The following WAC variants were observed in gnomAD, a reference collection of about 807,000 sequenced individuals.
WAC encodes the protein WW domain-containing adapter protein with coiled-coil.
In WAC, 11 loss-of-function variants were observed where a neutral mutation model predicts 79.6. That is an observed-to-expected ratio of 0.14 (90% CI 0.09 to 0.23). The LOEUF (loss-of-function observed/expected upper bound fraction) is 0.23. Ranked by LOEUF, WAC falls within the 10% of genes least tolerant of loss-of-function variation. The pLI is 1.00. For synonymous variants in WAC, 304 were observed against 276.9 expected, an observed-to-expected ratio of 1.10 and a Z score of -0.97; for missense variants, 728 against 773.5, an observed-to-expected ratio of 0.94 and a Z score of 0.70.
chr10:28,609,698 C>A (rs1254266768), intron 8 of WAC, among the ~76,000 whole-genome samples: 1 of 151,930 alleles, frequency 6.6e-6, no homozygotes, highest in East Asian at 2.0e-4. Flanking sequence ...ACATGGTGAA[C>A]CCCATCTCTA....
chr10:28,562,463 T>A (rs1469237014), intron 3 of WAC, among the ~76,000 whole-genome samples: 1 of 152,202 alleles, frequency 6.6e-6, no homozygotes, highest in Non-Finnish European at 1.5e-5. Context: ...CAACCATGAT[T>A]TTTTGGTCTG....
chr10:28,613,399 G>A (rs563956290), intron 10 of WAC, among the ~76,000 whole-genome samples: 1 of 152,258 alleles, frequency 6.6e-6, no homozygotes, highest in East Asian at 1.9e-4. Flanking sequence ...CACTACTCAG[G>A]AGGCTGAGGT....
chr10:28,537,163 G>T (rs1441957788), intron 3 of WAC, among the ~76,000 whole-genome samples: 2 of 152,216 alleles, frequency 1.3e-5, no homozygotes, highest in South Asian at 2.1e-4. Context: ...TTATAGCTTA[G>T]TGCTATTTAT....
intron 7 of WAC, among the ~76,000 whole-genome samples, chr10:28,603,949 ATATG>A (rs1174209906): frequency 3.0e-5 from 1 of 33,132 alleles, no homozygotes; most frequent in African/African-American, 1.2e-4. Context: ...AAAAATATAT[ATATG>A]TATGTATGTA....
chr10:28,565,382 T>C (rs896614099), intron 3 of WAC, among the ~76,000 whole-genome samples: 1 of 152,192 alleles, frequency 6.6e-6, no homozygotes, highest in Non-Finnish European at 1.5e-5. Context: ...TTTTTACTTT[T>C]GTTTTAAAGA....
intron 7 of WAC, among the ~76,000 whole-genome samples, chr10:28,605,284 G>C (rs1440319115): frequency 6.6e-6 from 1 of 152,184 alleles, no homozygotes; most frequent in African/African-American, 2.4e-5. Flanking sequence ...TGCATAAACA[G>C]CAAGTAGTGC....
intron 7 of WAC, among the ~76,000 whole-genome samples, chr10:28,607,425 AT>A (rs556308283): frequency 9.9e-4 from 150 of 152,260 alleles, no homozygotes; most frequent in African/African-American, 3.4e-3. Flanking sequence ...TGGGGCTTTG[AT>A]TACAGTTACA....
chr10:28,564,119 G>A (rs1838465688), intron 3 of WAC, among the ~76,000 whole-genome samples: 1 of 151,982 alleles, frequency 6.6e-6, no homozygotes, highest in Non-Finnish European at 1.5e-5. Flanking sequence ...ACAAAAATGA[G>A]CCAGGCATGG....
chr10:28,621,720 C>G lies in WAC; in HGVS notation c.*2114C>G, dbSNP rs568838815. 6.6e-6 allele frequency: 1 copy of G among 152,282 alleles called. No individual in the cohort carries two copies. The highest frequency in any genetic ancestry group is 6.5e-5 in the Admixed American group (1 of 15,294). The allele number at this position is 152,282 out of a possible 1,614,324, so 9.4% of individuals were successfully genotyped here. ...TTGTAATAGGCAAATGTTTCCTGAT[C>G]AGATGGCAATTTGTGATTTAGGTAA... On this transcript the variant is annotated 3_prime_UTR_variant, in exon 14 of 14. Transcript: ENST00000354911.
chr10:28,600,452 A>C (rs542125893), intron 7 of WAC, among the ~76,000 whole-genome samples: 162 of 152,294 alleles, frequency 1.1e-3, no homozygotes, highest in South Asian at 4.6e-3. Context: ...TTCAGCACTC[A>C]GTTGCTTTGC....
Position 28,587,284 on chromosome 10 carries a change from AC to A in WAC, c.382-2451del, listed in dbSNP as rs1349421979. ...ACATTGAACATCTTAGTAATGTTTG[AC>A]TTAATAGAAAAAGACACTTAGAATT... On this transcript the variant is annotated intron_variant, in intron 4 of 13. Transcript: ENST00000354911. Among the ~76,000 whole-genome samples, 3 of 152,344 alleles carry A rather than the reference AC, an allele frequency of 2.0e-5. No homozygotes were observed. In the East Asian group the frequency reaches 5.8e-4, roughly 29 times the overall value.
rs986832459 is a variant in WAC, at chr10:28,621,533, A to G, written c.*1927A>G. ...CCTGTAATTTAAGGATACTTTTTAA[A>G]TGTAAGAAAAGACATGTCATTAATT... On this transcript the variant is annotated 3_prime_UTR_variant, in exon 14 of 14. Coordinates refer to ENST00000354911, the MANE Select transcript of WAC (RefSeq NM_016628.5). The G allele has an allele frequency of 1.3e-5, 2 of 152,198 alleles. No individual in the cohort carries two copies. The highest frequency in any genetic ancestry group is 2.4e-5 in the African/African-American group (1 of 41,432). The allele number at this position is 152,198 out of a possible 1,614,324, so 9.4% of individuals were successfully genotyped here. A position where few individuals can be genotyped will look rare whatever the true frequency, so the allele number is the denominator to read the frequency against.
chr10:28,617,362 C>G (rs765236466), intron 12 of WAC, among the ~76,000 whole-genome samples: 4 of 152,212 alleles, frequency 2.6e-5, no homozygotes, highest in African/African-American at 4.8e-5. Context: ...GCTGACCCAG[C>G]ATCTTTTATT....
chr10:28,596,744 TGTA>T (rs530481658), intron 7 of WAC, among the ~76,000 whole-genome samples: 45 of 152,310 alleles, frequency 3.0e-4, no homozygotes, highest in African/African-American at 1.0e-3. Context: ...GAAATTAAAA[TGTA>T]GTAAATAAAT....
chr10:28,564,830 T>G (rs1190089127), intron 3 of WAC, among the ~76,000 whole-genome samples: 2 of 152,354 alleles, frequency 1.3e-5, no homozygotes, highest in East Asian at 1.9e-4. Context: ...TTGTCTCTAT[T>G]GAGATTTTAC....
At position 28,608,228 on chromosome 10, in the gene WAC, C is replaced by T. The variant is rs1841054532; in HGVS notation, c.962C>T (p.Thr321Ile). ...AAACCCGTATCACATTCTTGCACAA[C>T]TCCTTCCACGTCTTCTGCCTCTGGA... is the stretch of plus-strand genomic sequence containing the variant. ...GDKPVSHSCT[T>I]PSTSSASGLN... Residue 321 changes from threonine to isoleucine, a missense_variant, in exon 8 of 14, where the codon ACT becomes ATT. Physicochemically the swap from Thr to Ile is moderately conservative, Grantham distance 89. Coordinates refer to ENST00000354911, the MANE Select transcript of WAC (RefSeq NM_016628.5). 6.2e-7 allele frequency: 1 copy of T among 1,614,076 alleles called. No individual in the cohort carries two copies. Among genetic ancestry groups the T allele is most frequent in the Admixed American group, 1.7e-5 (1 of 60,002 alleles).
chr10:28,535,822 C>T, intron 3 of WAC, 65 bp downstream of exon 3: 1 of 1,350,326 alleles, frequency 7.4e-7, no homozygotes, highest in South Asian at 1.5e-5. Flanking sequence ...TAAAAGGCGG[C>T]AGTAGTATTT....
rs1564366604 is a variant in WAC at position 28,533,602 on chromosome 10, A to T, written c.23A>T (p.Gln8Leu). 6.3e-7 allele frequency: 1 copy of T among 1,596,716 alleles called. No individual in the cohort carries two copies. Among genetic ancestry groups the T allele is most frequent in the Admixed American group, 1.7e-5 (1 of 59,130 alleles). The change falls in exon 1 of 14, where the codon CAG becomes CTG. Residue 8 changes from glutamine to leucine, a missense_variant. Coordinates refer to ENST00000354911, the MANE Select transcript of WAC (RefSeq NM_016628.5). The stretch of plus-strand genomic sequence containing the variant: ...TTGATGGTAATGTATGCGAGGAAAC[A>T]GCAGAGACTCAGTGATGGGTAAATT... MVMYARK[Q>L]QRLSDGCHDR...
intron 6 of WAC, among the ~76,000 whole-genome samples, chr10:28,595,253 C>G (rs1007254926): frequency 2.0e-5 from 3 of 152,170 alleles, no homozygotes; most frequent in Non-Finnish European, 2.9e-5. Context: ...GCTTAGTATT[C>G]AGAAAGACCA....
Sources: allele counts gnomAD v4.1 joint callset (sites outside exome capture counted in the v4.1 genomes callset), GRCh38; gene constraint gnomAD v4.1.1; transcripts MANE v1.5; gene names NCBI Gene and HGNC (gene_info 2026-07-23, HGNC 2026-07-21).